APLF: variants seen among roughly 807,000 people sequenced by gnomAD.
APLF encodes the protein aprataxin and PNK-like factor.
Under a neutral mutation model 55.6 loss-of-function variants are expected in APLF, and 61 were observed. The observed-to-expected ratio is 1.10, with a 90% CI of 0.89 to 1.36. APLF has a LOEUF of 1.36. APLF is among the 40% of genes most tolerant of loss of function. The pLI is 0.00. For synonymous variants in APLF, 207 were observed against 214.8 expected (o/e 0.96, Z 0.32); for missense variants, 611 against 602.5 (o/e 1.01, Z -0.15).
rs141693033 is a variant in APLF at position 68,475,881 on chromosome 2, T to TTATATATATATATA, written c.96+8058_96+8071dup. ...CCAGTCTGGATTCAGTTTAAGTCTT[T>TTATATATATATATA]TATATATATATATATATTTTACTTA... On this transcript the variant is annotated intron_variant, in intron 1 of 9. Coordinates refer to ENST00000303795, the MANE Select transcript of APLF (RefSeq NM_173545.3). Among the ~76,000 whole-genome samples the TTATATATATATATA allele has an allele frequency of 3.6e-3, 535 of 148,714 alleles. 4 individuals carry two copies. Among genetic ancestry groups the TTATATATATATATA allele is most frequent in the African/African-American group, 0.013 (510 of 40,464 alleles).
intron 2 of APLF, among the ~76,000 whole-genome samples, chr2:68,496,543 T>G (rs1457315190): frequency 2.0e-5 from 3 of 152,250 alleles, no homozygotes; most frequent in Non-Finnish European, 1.5e-5. Flanking sequence ...TGCACTCTGC[T>G]TCCTATTTGA....
intron 7 of APLF, among the ~76,000 whole-genome samples, chr2:68,544,716 A>T (rs1670651986): frequency 6.6e-6 from 1 of 152,112 alleles, no homozygotes; most frequent in African/African-American, 2.4e-5. Flanking sequence ...AGAAGTTAGG[A>T]TAGTTACCTT....
intron 6 of APLF, among the ~76,000 whole-genome samples, chr2:68,527,904 G>A (rs530486167): frequency 4.7e-4 from 67 of 142,368 alleles, no homozygotes; most frequent in Non-Finnish European, 7.9e-4. Context: ...ACAGGGTGGC[G>A]GCCTTTCAGA....
rs1217872209 is a variant in APLF at position 68,529,097 on chromosome 2, A to G, written c.804+2855A>G. The stretch of plus-strand genomic sequence containing the variant: ...GTTAAACTTGCCTCTGAGACGAGGG[A>G]TCCTCACGGGGCTGAGGTATCCAAA... On this transcript the variant is annotated intron_variant, in intron 6 of 9. Coordinates refer to ENST00000303795, the MANE Select transcript of APLF (RefSeq NM_173545.3). This position sits in a 1 kb window ranked among gnomAD's most constrained non-coding sequence, Gnocchi z 4.4. 4 of 1,380,570 alleles carry G rather than the reference A, an allele frequency of 2.9e-6. No individual in the cohort carries two copies. In the African/African-American group the frequency reaches 4.3e-5, roughly 15 times the overall value. 85.5% of individuals were successfully genotyped at this position (1,380,570 alleles called of 1,614,324 possible). A position where few individuals can be genotyped will look rare whatever the true frequency, so the allele number is the denominator to read the frequency against.
At chr2:68,504,055 C>T (rs28762471) in intron 3 of APLF, among the ~76,000 whole-genome samples, 12,721 of 151,796 alleles carry the variant, frequency 0.084, 583 homozygotes, top group Middle Eastern at 0.12. Flanking sequence ...GGAAATATTA[C>T]GTAAAACTTT....
intron 2 of APLF, among the ~76,000 whole-genome samples, chr2:68,494,855 A>T (rs1317890662): frequency 6.6e-6 from 1 of 152,120 alleles, no homozygotes; most frequent in Non-Finnish European, 1.5e-5. Flanking sequence ...ATGGCTGCAG[A>T]GTATTCCATG....
chr2:68,566,068 G>A (rs961498171), intron 8 of APLF, among the ~76,000 whole-genome samples: 1 of 152,030 alleles, frequency 6.6e-6, no homozygotes, highest in Non-Finnish European at 1.5e-5. Context: ...TTCGGGGCTA[G>A]AGATCCACTT....
chr2:68,523,203 C>T (rs540357224), intron 5 of APLF, among the ~76,000 whole-genome samples: 3 of 152,028 alleles, frequency 2.0e-5, no homozygotes, highest in South Asian at 2.1e-4. Flanking sequence ...ATAATAAATA[C>T]GCATAGTAAA....
chr2:68,569,139 C>T (rs1671385937), intron 9 of APLF, among the ~76,000 whole-genome samples: 1 of 152,110 alleles, frequency 6.6e-6, no homozygotes, highest in Non-Finnish European at 1.5e-5. Flanking sequence ...TTTACTCACA[C>T]ATTCACATAT....
chr2:68,505,172 C>G (rs1298973953), intron 3 of APLF, among the ~76,000 whole-genome samples: 2 of 151,952 alleles, frequency 1.3e-5, no homozygotes, highest in African/African-American at 4.8e-5. Flanking sequence ...ATGTCTTTTT[C>G]TCTTATCATA....
intron 5 of APLF, among the ~76,000 whole-genome samples, chr2:68,518,757 T>TAAAATATTAATAATATATCATTATATAAC (rs1669762601): frequency 8.3e-6 from 1 of 121,034 alleles, no homozygotes; most frequent in Non-Finnish European, 1.6e-5. Flanking sequence ...TAATATATAA[T>TAAAATATTAATAATATATCATTATATAAC]AAAATATTAA....
At chr2:68,505,579 G>A (rs1676851576) in intron 3 of APLF, among the ~76,000 whole-genome samples, 1 of 151,972 alleles carries the variant, frequency 6.6e-6, no homozygotes, top group Non-Finnish European at 1.5e-5. Context: ...TTTGCTAGAA[G>A]GGCTCACAGA....
chr2:68,505,364 TA>T (rs755894007), intron 3 of APLF, among the ~76,000 whole-genome samples: 94 of 152,222 alleles, frequency 6.2e-4, no homozygotes, highest in Admixed American at 9.2e-4. Flanking sequence ...ATTATATGTC[TA>T]TTTAAATTTC....
intron 1 of APLF, among the ~76,000 whole-genome samples, chr2:68,484,491 C>A (rs1676064777): frequency 6.6e-6 from 1 of 151,862 alleles, no homozygotes. Flanking sequence ...GAATTCGAGA[C>A]CAGCCTGACC....
rs767278089 is a variant in APLF, at chr2:68,577,779, G to A, written c.1334-41G>A. 40 of 1,600,708 alleles carry A rather than the reference G, an allele frequency of 2.5e-5. No homozygotes were observed. In the South Asian group the frequency reaches 3.7e-4, roughly 15 times the overall value. On this transcript the variant is annotated intron_variant, in intron 9 of 9. Transcript: ENST00000303795. ...GTAGATGTCTGTCATCCCAGGTTGA[G>A]TGGTGATTGATGTGTTGTGTACCAA...
intron 2 of APLF, among the ~76,000 whole-genome samples, chr2:68,494,379 T>G (rs1389673227): frequency 6.7e-6 from 1 of 150,098 alleles, no homozygotes; most frequent in Non-Finnish European, 1.5e-5. Flanking sequence ...AGGTTTTTGG[T>G]GAAGCCTTAG....
At chr2:68,468,652 C>T (rs1675510375) in intron 1 of APLF, among the ~76,000 whole-genome samples, 1 of 152,198 alleles carries the variant, frequency 6.6e-6, no homozygotes, top group Admixed American at 6.5e-5. Flanking sequence ...TTCTGGAATT[C>T]TATAGATCTC....
intron 9 of APLF, among the ~76,000 whole-genome samples, chr2:68,572,809 A>G (rs1029327529): frequency 1.3e-5 from 2 of 152,130 alleles, no homozygotes; most frequent in African/African-American, 4.8e-5. Context: ...ACTGCACTCT[A>G]CCCTGGGCAA....
chr2:68,468,797 T>C (rs747490458), intron 1 of APLF, among the ~76,000 whole-genome samples: 13 of 152,194 alleles, frequency 8.5e-5, no homozygotes, highest in Non-Finnish European at 1.3e-4. Context: ...CCCTACCCTT[T>C]AGGAGTTTTC....
Sources: allele counts gnomAD v4.1 joint callset (sites outside exome capture counted in the v4.1 genomes callset), GRCh38; gene constraint gnomAD v4.1.1; non-coding constraint Gnocchi (gnomAD v3.1); transcripts MANE v1.5; gene names NCBI Gene and HGNC (gene_info 2026-07-23, HGNC 2026-07-21).